The following PSD3 variants were observed in gnomAD, a reference collection of about 807,000 sequenced individuals.
PSD3 encodes the protein pleckstrin and Sec7 domain containing 3, also known as PH and SEC7 domain-containing protein 3.
Under a neutral mutation model 105.5 loss-of-function variants are expected in PSD3, and 49 were observed. That is an observed-to-expected ratio of 0.46 (90% CI 0.37 to 0.59). The LOEUF is 0.59. Among genes scored for constraint, PSD3 ranks in the 20% least tolerant of loss-of-function variants. The probability of loss-of-function intolerance (pLI) is 0.00; values close to 1 mark genes in which losing one functional copy is unlikely to be tolerated. For synonymous variants in PSD3, 557 were observed against 457.8 expected, an observed-to-expected ratio of 1.22 and a Z score of -2.77; for missense variants, 1,561 against 1,263.8, an observed-to-expected ratio of 1.24 and a Z score of -3.57.
chr8:18,861,534 T>A (rs1816450984), intron 4 of PSD3, among the ~76,000 whole-genome samples: 1 of 152,084 alleles, frequency 6.6e-6, no homozygotes. Context: ...CTGATCACAC[T>A]AGGTGTCCTC....
chr8:18,838,602 C>A (rs952378283), intron 4 of PSD3, among the ~76,000 whole-genome samples: 4 of 151,838 alleles, frequency 2.6e-5, no homozygotes, highest in African/African-American at 9.7e-5. Flanking sequence ...GAGCTCAAGA[C>A]CATCCTGGTT....
intron 10 of PSD3, among the ~76,000 whole-genome samples, chr8:18,650,438 T>G (rs2130832427): frequency 6.6e-6 from 1 of 152,354 alleles, no homozygotes; most frequent in East Asian, 1.9e-4. Context: ...AAATAGATGC[T>G]TCACTAATAA....
chr8:18,943,982 A>G (rs1822710483), intron 1 of PSD3, among the ~76,000 whole-genome samples: 1 of 152,108 alleles, frequency 6.6e-6, no homozygotes, highest in Non-Finnish European at 1.5e-5. Context: ...CTATTAGTAA[A>G]TAACTTAACC....
At chr8:18,882,674 A>T (rs1277155434) in intron 2 of PSD3, among the ~76,000 whole-genome samples, 1 of 152,140 alleles carries the variant, frequency 6.6e-6, no homozygotes, top group African/African-American at 2.4e-5. Context: ...CCAATTTGGT[A>T]GCCATATCCA....
At position 18,530,759 on chromosome 8, in the gene PSD3, A is replaced by G. The variant is rs957182295; in HGVS notation, c.*4984T>C. ...CTATGCCCTTGGTATTGCACACAGT[A>G]CACTGCAAAAGATTCACAAGGTTAG... On this transcript the variant is annotated 3_prime_UTR_variant, in exon 16 of 16. Transcript: ENST00000327040. 1 of 151,306 alleles carries G rather than the reference A, an allele frequency of 6.6e-6. No individual in the cohort carries two copies. Among genetic ancestry groups the G allele is most frequent in the Admixed American group, 6.6e-5 (1 of 15,184 alleles). 9.4% of individuals were successfully genotyped at this position (151,306 alleles called of 1,614,324 possible).
intron 8 of PSD3, chr8:18,786,826 C>A (rs979012628): frequency 5.3e-5 from 8 of 152,214 alleles, no homozygotes; most frequent in African/African-American, 1.9e-4. Context: ...CTCTGACTCA[C>A]TGATCATTCT....
intron 9 of PSD3, among the ~76,000 whole-genome samples, chr8:18,691,178 T>A (rs1248843893): frequency 6.6e-6 from 1 of 152,132 alleles, no homozygotes; most frequent in African/African-American, 2.4e-5. Context: ...ACATTGCAAA[T>A]GAAATAACAT....
intron 2 of PSD3, among the ~76,000 whole-genome samples, chr8:18,882,720 A>T (rs1818187677): frequency 6.6e-6 from 1 of 152,146 alleles, no homozygotes; most frequent in African/African-American, 2.4e-5. Flanking sequence ...AAGTTACTTA[A>T]AATTTAATAA....
intron 14 of PSD3, among the ~76,000 whole-genome samples, chr8:18,562,831 G>T (rs905489229): frequency 2.0e-5 from 3 of 152,256 alleles, no homozygotes; most frequent in Admixed American, 2.0e-4. Context: ...GGAGGTTGCA[G>T]GGAGCCGAGA....
chr8:18,989,802 T>G (rs1255031235), intron 1 of PSD3, among the ~76,000 whole-genome samples: 1 of 152,184 alleles, frequency 6.6e-6, no homozygotes, highest in Admixed American at 6.5e-5. Flanking sequence ...CCCAACCAAG[T>G]GGCTATTCTA....
At chr8:18,925,682 A>T (rs1039500143) in intron 2 of PSD3, among the ~76,000 whole-genome samples, 42 of 152,160 alleles carry the variant, frequency 2.8e-4, no homozygotes, top group African/African-American at 9.9e-4. Flanking sequence ...AGCAGGGTAC[A>T]TTCATAATAG....
chr8:18,811,937 C>G (rs1389991976), intron 4 of PSD3, among the ~76,000 whole-genome samples: 4 of 152,092 alleles, frequency 2.6e-5, no homozygotes, highest in Middle Eastern at 3.4e-3. Flanking sequence ...AGTTTGGACC[C>G]AACAATTTAC....
At chr8:18,906,996 T>C (rs1469745860) in intron 2 of PSD3, among the ~76,000 whole-genome samples, 8 of 152,136 alleles carry the variant, frequency 5.3e-5, no homozygotes, top group Non-Finnish European at 1.2e-4. Context: ...TATTAAAAGC[T>C]TATAGAATAA....
intron 4 of PSD3, among the ~76,000 whole-genome samples, chr8:18,854,805 C>G (rs565926405): frequency 6.6e-6 from 1 of 152,286 alleles, no homozygotes; most frequent in African/African-American, 2.4e-5. Flanking sequence ...TAAATTCACA[C>G]TTAATCTCAT....
At chr8:18,990,936 A>G (rs960962446) in intron 1 of PSD3, among the ~76,000 whole-genome samples, 19 of 152,162 alleles carry the variant, frequency 1.2e-4, no homozygotes, top group African/African-American at 4.6e-4. Flanking sequence ...GCCTCCAAAG[A>G]CAGTTAAAAG....
intron 4 of PSD3, chr8:18,849,263 C>G (rs1586216384): frequency 6.6e-6 from 1 of 152,306 alleles, no homozygotes; most frequent in East Asian, 1.9e-4. Context: ...CAGACAATTA[C>G]TCATTCATTG....
intron 9 of PSD3, among the ~76,000 whole-genome samples, chr8:18,685,848 T>C (rs1585616505): frequency 6.6e-6 from 1 of 152,064 alleles, no homozygotes; most frequent in East Asian, 1.9e-4. Context: ...ATAATAAAGA[T>C]AAAAATTCAA....
chr8:19,005,953 C>T (rs1326134792), intron 1 of PSD3, among the ~76,000 whole-genome samples: 1 of 151,824 alleles, frequency 6.6e-6, no homozygotes. Context: ...CCCATTTAAT[C>T]TCCATGAGCC....
chr8:18,907,981 T>C (rs896649038), intron 2 of PSD3, among the ~76,000 whole-genome samples: 2 of 152,218 alleles, frequency 1.3e-5, no homozygotes, highest in African/African-American at 2.4e-5. Context: ...ATTTTAAGTA[T>C]GCAACGTGAA....
Sources: gnomAD v4.1 joint callset for allele counts (sites outside exome capture counted in the v4.1 genomes callset) on GRCh38, gnomAD v4.1.1 for gene constraint, MANE v1.5 for transcripts, NCBI Gene and HGNC (gene_info 2026-07-23, HGNC 2026-07-21) for gene names.